The following RANBP2 variants were observed in gnomAD, a reference collection of about 807,000 sequenced individuals.
The protein encoded by RANBP2 is RAN binding protein 2, also known as E3 SUMO-protein ligase RanBP2.
Under a neutral mutation model 303.6 loss-of-function variants are expected in RANBP2, and 57 were observed. The observed-to-expected ratio is 0.19, with a 90% CI of 0.15 to 0.23. RANBP2 has a LOEUF of 0.23. Ranked by LOEUF, RANBP2 falls within the 10% of genes least tolerant of loss-of-function variation. The probability of loss-of-function intolerance (pLI) is 1.00; values close to 1 mark genes in which losing one functional copy is unlikely to be tolerated. For missense variants in RANBP2, 3,138 were observed against 3,780.8 expected (o/e 0.83, Z 4.46); for synonymous variants, 1,167 against 1,301.5 (o/e 0.90, Z 2.23).
the RANBP2 span, chr2:108,805,058 AT>A: frequency 9.7e-7 from 1 of 1,030,840 alleles, no homozygotes; most frequent in Non-Finnish European, 1.3e-6. Context: ...TAAGAAGTAT[AT>A]TTTATATATA....
chr2:108,794,584 T>G, the RANBP2 span: 3 of 1,613,726 alleles, frequency 1.9e-6, no homozygotes, highest in East Asian at 6.7e-5. Context: ...TCGGACTGAG[T>G]GTTGTAGTGA....
At chr2:109,692,827 T>C in the RANBP2 span, among the ~76,000 whole-genome samples, 1 of 151,454 alleles carries the variant, frequency 6.6e-6, no homozygotes, top group Non-Finnish European at 1.5e-5. Context: ...TTTCTTTTTT[T>C]TTTTTTTTGA....
chr2:109,629,764 T>A, the RANBP2 span, among the ~76,000 whole-genome samples: 2 of 151,860 alleles, frequency 1.3e-5, no homozygotes, highest in Admixed American at 6.6e-5. Flanking sequence ...TCAGCCGTGA[T>A]CACACCACTG....
chr2:109,702,066 C>G, the RANBP2 span, among the ~76,000 whole-genome samples: 679 of 152,360 alleles, frequency 4.5e-3, 5 homozygotes, highest in South Asian at 8.7e-3. Context: ...ATGTGTTTGC[C>G]TCAATGCCAG....
chr2:109,552,264 G>T, the RANBP2 span, among the ~76,000 whole-genome samples: 1 of 152,180 alleles, frequency 6.6e-6, no homozygotes, highest in Non-Finnish European at 1.5e-5. Context: ...GGGGACCACT[G>T]ATCTAGACCA....
At chr2:108,981,221 G>A in the RANBP2 span, among the ~76,000 whole-genome samples, 1 of 152,146 alleles carries the variant, frequency 6.6e-6, no homozygotes, top group South Asian at 2.1e-4. Flanking sequence ...GCACGGGAAG[G>A]GGCTGGCTCT....
the RANBP2 span, among the ~76,000 whole-genome samples, chr2:109,284,764 A>T: frequency 6.6e-6 from 1 of 152,104 alleles, no homozygotes; most frequent in Non-Finnish European, 1.5e-5. Context: ...GGCTAAGCAC[A>T]TGTGTGTGGA....
chr2:108,861,871 C>T, the RANBP2 span, among the ~76,000 whole-genome samples: 1 of 152,096 alleles, frequency 6.6e-6, no homozygotes, highest in African/African-American at 2.4e-5. Flanking sequence ...TTACTGTATC[C>T]TACAGGTTTT....
chr2:109,049,258 T>A, the RANBP2 span, among the ~76,000 whole-genome samples: 7 of 152,222 alleles, frequency 4.6e-5, no homozygotes, highest in African/African-American at 1.7e-4. Context: ...GGCAGTACGT[T>A]GAATTAAGAG....
chr2:109,167,387 T>C, the RANBP2 span, among the ~76,000 whole-genome samples: 2 of 152,198 alleles, frequency 1.3e-5, no homozygotes, highest in South Asian at 4.1e-4. Flanking sequence ...GGACCATATT[T>C]GATATAAAAG....
At chr2:109,348,125 T>C in the RANBP2 span, among the ~76,000 whole-genome samples, 3 of 151,956 alleles carry the variant, frequency 2.0e-5, no homozygotes, top group African/African-American at 7.3e-5. Context: ...ATGAATGGGG[T>C]GATGGTTTTT....
At chr2:109,506,237 C>A in the RANBP2 span, among the ~76,000 whole-genome samples, 4 of 152,158 alleles carry the variant, frequency 2.6e-5, no homozygotes, top group Admixed American at 2.6e-4. Flanking sequence ...GAGTTGGTAT[C>A]CCTGCCTCTA....
the RANBP2 span, chr2:109,398,798 TCA>T: frequency 6.2e-7 from 1 of 1,613,738 alleles, no homozygotes. Flanking sequence ...TTCACCGCGC[TCA>T]GTGTGACGCA....
chr2:109,229,398 C>A, the RANBP2 span, among the ~76,000 whole-genome samples: 1 of 152,148 alleles, frequency 6.6e-6, no homozygotes, highest in East Asian at 1.9e-4. Context: ...TCCTGCCATC[C>A]TTTTTCTGTC....
At chr2:109,614,428 G>A in the RANBP2 span, 3 of 1,143,056 alleles carry the variant, frequency 2.6e-6, no homozygotes, top group Non-Finnish European at 3.3e-6. Flanking sequence ...CCGGCCGCTG[G>A]GAGCCCGTCG....
chr2:109,221,626 T>C, the RANBP2 span, among the ~76,000 whole-genome samples: 1 of 151,434 alleles, frequency 6.6e-6, no homozygotes, highest in Non-Finnish European at 1.5e-5. Flanking sequence ...TGATGGTTAG[T>C]AATGTTGAGC....
At chr2:109,237,938 T>C in the RANBP2 span, among the ~76,000 whole-genome samples, 3 of 152,206 alleles carry the variant, frequency 2.0e-5, no homozygotes, top group African/African-American at 7.2e-5. Flanking sequence ...GCCACCAAAT[T>C]AAAATGGTTT....
chr2:108,812,828 C>T, the RANBP2 span: 29 of 1,612,142 alleles, frequency 1.8e-5, 1 homozygote, highest in African/African-American at 1.5e-4. Context: ...AGAGGAAGTA[C>T]GAGTTTATGA....
At chr2:108,940,766 G>A in the RANBP2 span, among the ~76,000 whole-genome samples, 1 of 152,230 alleles carries the variant, frequency 6.6e-6, no homozygotes, top group Admixed American at 6.5e-5. Flanking sequence ...TGATGAGAGT[G>A]GTGTTCTCAG....
Sources: gnomAD v4.1 joint callset for allele counts (sites outside exome capture counted in the v4.1 genomes callset) on GRCh38, gnomAD v4.1.1 for gene constraint, MANE v1.5 for transcripts, NCBI Gene and HGNC (gene_info 2026-07-23, HGNC 2026-07-21) for gene names.